Variants in LIMK1 observed in about 807,000 individuals in gnomAD.
The protein encoded by LIMK1 is LIM motif-containing protein kinase.
Under a neutral mutation model 77.6 loss-of-function variants are expected in LIMK1, and 21 were observed. The ratio of observed to expected loss-of-function variants is 0.27; its 90% CI spans 0.19 to 0.39. LIMK1 has a LOEUF of 0.39. LIMK1 is among the 10% of genes least tolerant of loss of function. The pLI, the probability that LIMK1 is intolerant of heterozygous loss-of-function variation, is 1.00. For missense variants in LIMK1, 696 were observed against 901.6 expected (o/e 0.77, Z 2.92); for synonymous variants, 358 against 370.0 (o/e 0.97, Z 0.37).
At chr7:74,096,491 C>G in intron 2 of LIMK1, 131 bp from the exon 3 acceptor site, 1 of 1,217,704 alleles carries the variant, frequency 8.2e-7, no homozygotes, top group Non-Finnish European at 1.1e-6. Flanking sequence ...CAGAGCAAGA[C>G]TCCGTCTCAA....
rs1360052683 is a variant in LIMK1 at position 74,121,588 on chromosome 7, G to C, written c.*287G>C. ...TCTCCTTGCATGAGCTGGAGGGCCT[G>C]TGTGAGTTACGCCCCTTTCCACACG... On this transcript the variant is annotated 3_prime_UTR_variant, in exon 16 of 16. Coordinates refer to ENST00000336180, the MANE Select transcript of LIMK1 (RefSeq NM_002314.4). 4 of 433,144 alleles carry C rather than the reference G, an allele frequency of 9.2e-6. No homozygotes were observed. Among genetic ancestry groups the C allele is most frequent in the Non-Finnish European group, 1.2e-5 (3 of 243,714 alleles). 26.8% of individuals were successfully genotyped at this position (433,144 alleles called of 1,614,324 possible).
rs138052097 is a variant in LIMK1, at chr7:74,091,118, G to A, written c.152+5274G>A. The stretch of plus-strand genomic sequence containing the variant: ...TGTTTGTATTTTTAGTACAGACGAG[G>A]TTTCGCTGTGTGAGCCAGGATGGTC... On this transcript the variant is annotated intron_variant, in intron 2 of 15. Coordinates refer to ENST00000336180, the MANE Select transcript of LIMK1 (RefSeq NM_002314.4). 5.1e-3 allele frequency among the ~76,000 whole-genome samples: 770 copies of A among 152,148 alleles called. 9 individuals are homozygous for A. Among genetic ancestry groups the A allele is most frequent in the African/African-American group, 0.018 (729 of 41,542 alleles).
intron 2 of LIMK1, among the ~76,000 whole-genome samples, chr7:74,095,812 G>A (rs868964283): frequency 6.6e-6 from 1 of 152,048 alleles, no homozygotes; most frequent in East Asian, 1.9e-4. Context: ...GTCTAACCCT[G>A]GCCTGTGTTG....
intron 2 of LIMK1, among the ~76,000 whole-genome samples, chr7:74,095,398 A>G (rs1554695431): frequency 1.3e-5 from 2 of 152,164 alleles, no homozygotes; most frequent in African/African-American, 2.4e-5. Flanking sequence ...TCACTGGGGC[A>G]CCCGCATTTG....
At chr7:74,084,515 A>C (rs1053354934) in intron 1 of LIMK1, among the ~76,000 whole-genome samples, 3 of 151,976 alleles carry the variant, frequency 2.0e-5, no homozygotes, top group Non-Finnish European at 4.4e-5. Context: ...CCTTCTGTAC[A>C]TTTGGAAACT....
intron 9 of LIMK1, among the ~76,000 whole-genome samples, chr7:74,108,442 C>T (rs554472144): frequency 1.3e-5 from 2 of 151,962 alleles, no homozygotes; most frequent in Admixed American, 6.6e-5. Context: ...GTCAGGAGTT[C>T]GAGACTACCC....
At position 74,119,981 on chromosome 7, in the gene LIMK1, C is replaced by T. The variant is rs550584485; in HGVS notation, c.1568-602C>T. On this transcript the variant is annotated intron_variant, in intron 13 of 15. Coordinates refer to ENST00000336180, the MANE Select transcript of LIMK1 (RefSeq NM_002314.4). ...AGAAGGTTGAAATCCAACAGGGCTG[C>T]GCTCCCTCCAGGGCGATCTAGGGGA... Among the ~76,000 whole-genome samples the T allele has an allele frequency of 9.2e-5, 14 of 152,246 alleles. No individual in the cohort carries two copies. In the South Asian group the frequency reaches 2.5e-3, roughly 27 times the overall value.
intron 13 of LIMK1, 75 bp from the exon 14 acceptor site, chr7:74,120,508 G>A: frequency 1.3e-6 from 2 of 1,529,952 alleles, no homozygotes; most frequent in African/African-American, 1.4e-5. Context: ...CCTCCCAGCT[G>A]GCCTGGTCCC....
intron 10 of LIMK1, 97 bp downstream of exon 10, chr7:74,109,133 C>T: frequency 1.0e-6 from 1 of 954,352 alleles, no homozygotes. Flanking sequence ...TGGGGGGAAG[C>T]CACAGGGGTC....
intron 1 of LIMK1, among the ~76,000 whole-genome samples, chr7:74,084,792 GGGCCC>G (rs1563909022): frequency 1.4e-4 from 22 of 152,222 alleles, no homozygotes; most frequent in African/African-American, 5.3e-4. Context: ...CAGGGTCTGG[GGGCCC>G]CTCCTTGGAT....
intron 2 of LIMK1, among the ~76,000 whole-genome samples, chr7:74,087,191 T>C (rs1045375125): frequency 6.6e-6 from 1 of 151,886 alleles, no homozygotes; most frequent in African/African-American, 2.4e-5. Flanking sequence ...TCACTTGAGT[T>C]CAGGAGTTCG....
intron 13 of LIMK1, among the ~76,000 whole-genome samples, chr7:74,119,800 C>T (rs1458128314): frequency 2.0e-5 from 3 of 152,052 alleles, no homozygotes; most frequent in South Asian, 2.1e-4. Context: ...CCCAGCTACT[C>T]GGGAAATTGA....
chr7:74,118,921 G>C (rs556300527), intron 13 of LIMK1, among the ~76,000 whole-genome samples: 1 of 151,930 alleles, frequency 6.6e-6, no homozygotes, highest in Non-Finnish European at 1.5e-5. Context: ...TTCTGAGACC[G>C]AGTCTTGCTC....
chr7:74,117,102 C>T (rs1305103451), intron 13 of LIMK1, among the ~76,000 whole-genome samples: 4 of 151,678 alleles, frequency 2.6e-5, no homozygotes, highest in African/African-American at 9.7e-5. Flanking sequence ...AAGATGGTGT[C>T]GATCTCCTGA....
chr7:74,098,637 T>C (rs1799382693), intron 4 of LIMK1, among the ~76,000 whole-genome samples: 1 of 152,044 alleles, frequency 6.6e-6, no homozygotes, highest in Admixed American at 6.6e-5. Context: ...ACCTGAGGTC[T>C]GGAGTTTGAG....
At chr7:74,090,041 T>G (rs1388813538) in intron 2 of LIMK1, among the ~76,000 whole-genome samples, 1 of 151,938 alleles carries the variant, frequency 6.6e-6, no homozygotes, top group African/African-American at 2.4e-5. Flanking sequence ...GTCAGGGCAG[T>G]AAAGAGGAGG....
intron 12 of LIMK1, among the ~76,000 whole-genome samples, chr7:74,112,571 T>G (rs1277760092): frequency 6.6e-6 from 1 of 151,902 alleles, no homozygotes; most frequent in Non-Finnish European, 1.5e-5. Context: ...TCCCAACACT[T>G]TGGGAGGCCG....
intron 13 of LIMK1, among the ~76,000 whole-genome samples, chr7:74,116,720 T>A (rs1450242016): frequency 1.3e-5 from 2 of 150,526 alleles, no homozygotes; most frequent in Non-Finnish European, 1.5e-5. Flanking sequence ...TTTTCTTTTT[T>A]AAAGAGGGTC....
In LIMK1 at chr7:74,099,805, AAG is replaced by A. The variant is rs571091904; in HGVS notation, c.608+570_608+571del. Among the ~76,000 whole-genome samples, 445 of 152,086 alleles carry A rather than the reference AAG, an allele frequency of 2.9e-3. 2 individuals carry two copies. Among genetic ancestry groups the A allele is most frequent in the African/African-American group, 0.01 (427 of 41,512 alleles). ...TTAGTCCATGTCTGATCCAACAAGA[AAG>A]AGGAGGAACCAAGTCAAGAATGAGT... On this transcript the variant is annotated intron_variant, in intron 5 of 15. Coordinates refer to ENST00000336180, the MANE Select transcript of LIMK1 (RefSeq NM_002314.4).
Sources: allele counts gnomAD v4.1 joint callset (sites outside exome capture counted in the v4.1 genomes callset), GRCh38; gene constraint gnomAD v4.1.1; transcripts MANE v1.5; gene names NCBI Gene and HGNC (gene_info 2026-07-23, HGNC 2026-07-21).